LRRC4C: variants seen among roughly 807,000 people sequenced by gnomAD.
LRRC4C encodes the protein leucine rich repeat containing 4C, also known as leucine-rich repeat-containing protein 4C.
In LRRC4C, 5 loss-of-function variants were observed where a neutral mutation model predicts 33.6. The observed-to-expected ratio is 0.15, with a 90% CI of 0.08 to 0.31. The LOEUF (loss-of-function observed/expected upper bound fraction) is 0.31, where lower values mean the gene tolerates loss of function less well. LRRC4C is among the 10% of genes least tolerant of loss of function. The probability of loss-of-function intolerance (pLI) is 1.00; values close to 1 mark genes in which losing one functional copy is unlikely to be tolerated. For synonymous variants in LRRC4C, 329 were observed against 302.0 expected (o/e 1.09, Z -0.93); for missense variants, 560 against 796.7 (o/e 0.70, Z 3.58).
chr11:40,947,521 T>A (rs1234109120), intron 1 of LRRC4C, among the ~76,000 whole-genome samples: 2 of 152,062 alleles, frequency 1.3e-5, no homozygotes, highest in Non-Finnish European at 2.9e-5. Context: ...CTCCAGCTGG[T>A]GGGAATAGGA....
In LRRC4C at chr11:41,026,137, C is replaced by T. The variant is rs115048685; in HGVS notation, c.-495-92414G>A. 4.9e-3 allele frequency among the ~76,000 whole-genome samples: 745 copies of T among 151,752 alleles called. 6 individuals carry two copies. Among genetic ancestry groups the T allele is most frequent in the African/African-American group, 0.017 (699 of 41,486 alleles). On this transcript the variant is annotated intron_variant, in intron 1 of 6. Transcript: ENST00000528697. ...ATACATTTTGTAAGGCTATAGCTGA[C>T]ATAGTGATTCCTCTGATAAATCTGG...
chr11:40,366,936 G>A (rs893566798), intron 3 of LRRC4C, among the ~76,000 whole-genome samples: 1 of 151,994 alleles, frequency 6.6e-6, no homozygotes, highest in Non-Finnish European at 1.5e-5. Context: ...ATTCCACATG[G>A]CAATTTGAGT....
At chr11:41,321,272 TG>T (rs1418144718) in intron 1 of LRRC4C, among the ~76,000 whole-genome samples, 1 of 152,082 alleles carries the variant, frequency 6.6e-6, no homozygotes, top group Non-Finnish European at 1.5e-5. Flanking sequence ...GAGAAATTTT[TG>T]GGGGGTCATC....
intron 4 of LRRC4C, among the ~76,000 whole-genome samples, chr11:40,291,696 G>A (rs554735122): frequency 3.3e-5 from 5 of 151,994 alleles, no homozygotes; most frequent in African/African-American, 1.2e-4. Flanking sequence ...CTCCACCCAC[G>A]CACCAGCCAG....
intron 2 of LRRC4C, among the ~76,000 whole-genome samples, chr11:40,659,166 A>G (rs1943288925): frequency 6.6e-6 from 1 of 152,164 alleles, no homozygotes; most frequent in Admixed American, 6.5e-5. Flanking sequence ...TGCAGAGCAA[A>G]GTTGTGGCTG....
At chr11:40,438,633 A>G (rs1437669899) in intron 3 of LRRC4C, among the ~76,000 whole-genome samples, 1 of 152,192 alleles carries the variant, frequency 6.6e-6, no homozygotes, top group Non-Finnish European at 1.5e-5. Flanking sequence ...AGAGAAGAAA[A>G]ACATTTTATA....
intron 2 of LRRC4C, among the ~76,000 whole-genome samples, chr11:40,764,332 T>C (rs1048985996): frequency 3.3e-5 from 5 of 152,160 alleles, no homozygotes; most frequent in African/African-American, 1.2e-4. Context: ...AGGCAGTACT[T>C]GCTGTAGGTC....
intron 1 of LRRC4C, among the ~76,000 whole-genome samples, chr11:41,263,236 A>C (rs1949041540): frequency 6.6e-6 from 1 of 152,122 alleles, no homozygotes; most frequent in Non-Finnish European, 1.5e-5. Flanking sequence ...TTTATTATTG[A>C]TTTTTTGACT....
intron 3 of LRRC4C, among the ~76,000 whole-genome samples, chr11:40,553,063 C>T (rs772105174): frequency 2.0e-5 from 3 of 152,018 alleles, no homozygotes; most frequent in Non-Finnish European, 2.9e-5. Context: ...CTGAGGTCAG[C>T]AGTTCAAAAC....
intron 4 of LRRC4C, among the ~76,000 whole-genome samples, chr11:40,253,802 C>G (rs868681739): frequency 1.3e-5 from 2 of 152,208 alleles, no homozygotes; most frequent in Middle Eastern, 6.8e-3. Flanking sequence ...AACAATAAAA[C>G]AGAACAACAG....
chr11:40,463,305 G>GGTGT (rs33911904), intron 3 of LRRC4C, among the ~76,000 whole-genome samples: 12,060 of 144,484 alleles, frequency 0.083, 590 homozygotes, highest in East Asian at 0.21. Context: ...ATGTGTTACT[G>GGTGT]GTGTGTGTGT....
intron 1 of LRRC4C, among the ~76,000 whole-genome samples, chr11:41,199,585 G>A (rs531980750): frequency 1.3e-5 from 2 of 152,190 alleles, no homozygotes; most frequent in East Asian, 1.9e-4. Context: ...TTAGATAGGT[G>A]TGTCAAACAC....
At chr11:40,794,465 T>C (rs1950748268) in intron 2 of LRRC4C, among the ~76,000 whole-genome samples, 1 of 149,930 alleles carries the variant, frequency 6.7e-6, no homozygotes, top group Non-Finnish European at 1.5e-5. Flanking sequence ...CAAGGAGATA[T>C]ACTAGCCATC....
At chr11:41,225,875 T>G (rs1372670283) in intron 1 of LRRC4C, among the ~76,000 whole-genome samples, 4 of 152,112 alleles carry the variant, frequency 2.6e-5, no homozygotes, top group Non-Finnish European at 5.9e-5. Context: ...GGAGGATATT[T>G]AATGAATTGT....
At chr11:40,442,739 G>A (rs1246919530) in intron 3 of LRRC4C, among the ~76,000 whole-genome samples, 1 of 152,158 alleles carries the variant, frequency 6.6e-6, no homozygotes, top group African/African-American at 2.4e-5. Context: ...TTTCTATTCA[G>A]AACATTTGTA....
intron 1 of LRRC4C, among the ~76,000 whole-genome samples, chr11:41,079,849 T>C (rs1033440409): frequency 1.3e-5 from 2 of 152,200 alleles, no homozygotes; most frequent in Admixed American, 6.5e-5. Context: ...AAGGCAATTC[T>C]TCTTCTTCCA....
rs60824956 is a variant in LRRC4C at position 40,154,844 on chromosome 11, G to A, written c.-95-13991C>T. The stretch of plus-strand genomic sequence containing the variant: ...AACAATGGATTTAAACTATACCTTG[G>A]AACAAATGGACTTAAACGAATATAC... On this transcript the variant is annotated intron_variant, in intron 5 of 6. Coordinates refer to ENST00000528697, the MANE Select transcript of LRRC4C (RefSeq NM_001258419.2). 3.5e-3 allele frequency among the ~76,000 whole-genome samples: 531 copies of A among 152,142 alleles called. 5 individuals are homozygous for A. The highest frequency in any genetic ancestry group is 0.012 in the African/African-American group (506 of 41,518).
Position 41,155,955 on chromosome 11 carries a change from G to T in LRRC4C, c.-495-222232C>A, listed in dbSNP as rs533062525. On this transcript the variant is annotated intron_variant, in intron 1 of 6. Transcript: ENST00000528697. ...GGAATTAAACAAAGCCATCTTCCACGTGATGACTCAAAGACTGAGAAAAGC... is the reference window on the plus strand; with the variant it reads ...GGAATTAAACAAAGCCATCTTCCACTTGATGACTCAAAGACTGAGAAAAGC... Among the ~76,000 whole-genome samples, 3 of 152,142 alleles carry T rather than the reference G, an allele frequency of 2.0e-5. No homozygotes were observed. In the East Asian group the frequency reaches 5.8e-4, roughly 29 times the overall value.
intron 3 of LRRC4C, among the ~76,000 whole-genome samples, chr11:40,331,020 A>G (rs1423549811): frequency 6.6e-6 from 1 of 152,070 alleles, no homozygotes; most frequent in Non-Finnish European, 1.5e-5. Context: ...TCTACTCTCT[A>G]CTGCTACAGG....
Sources: allele counts gnomAD v4.1 joint callset (sites outside exome capture counted in the v4.1 genomes callset), GRCh38; gene constraint gnomAD v4.1.1; transcripts MANE v1.5; gene names NCBI Gene and HGNC (gene_info 2026-07-23, HGNC 2026-07-21).